Variants in ABCA9 observed in about 807,000 individuals in gnomAD.
ABCA9 encodes ATP binding cassette subfamily A member 9, also known as ATP-binding cassette sub-family A member 9.
In ABCA9, 183 loss-of-function variants were observed where a neutral mutation model predicts 205.3. The observed-to-expected ratio is 0.89, with a 90% CI of 0.79 to 1.01. ABCA9 has a LOEUF of 1.01. ABCA9 is among the 50% of genes least tolerant of loss of function. ABCA9 has a pLI of 0.00. For missense variants in ABCA9, 1,805 were observed against 1,912.4 expected, an observed-to-expected ratio of 0.94 and a Z score of 1.05; for synonymous variants, 651 against 683.3, an observed-to-expected ratio of 0.95 and a Z score of 0.74.
At chr17:69,031,003 C>T (rs1356581773) in intron 10 of ABCA9, among the ~76,000 whole-genome samples, 4 of 152,300 alleles carry the variant, frequency 2.6e-5, no homozygotes, top group Non-Finnish European at 4.4e-5. Context: ...AGTAATGACG[C>T]AGGACTGGCA....
the ABCA9 span, among the ~76,000 whole-genome samples, chr17:69,076,556 T>C: frequency 6.6e-5 from 10 of 152,188 alleles, no homozygotes; most frequent in African/African-American, 2.4e-4. Flanking sequence ...GTCCCTCATC[T>C]GTGAATTTTT....
chr17:69,046,337 C>T (rs1459984361), intron 3 of ABCA9, among the ~76,000 whole-genome samples: 2 of 152,172 alleles, frequency 1.3e-5, no homozygotes, highest in Non-Finnish European at 2.9e-5. Flanking sequence ...CTTTTGTCCT[C>T]GGTATTTCCT....
intron 37 of ABCA9, among the ~76,000 whole-genome samples, chr17:68,977,584 T>A (rs992914057): frequency 6.6e-6 from 1 of 152,148 alleles, no homozygotes; most frequent in Non-Finnish European, 1.5e-5. Context: ...AAGGGGCATG[T>A]GAGGCTAGGG....
chr17:69,061,166 C>T (rs944924904), upstream of ABCA9: 4 of 984,888 alleles, frequency 4.1e-6, no homozygotes, highest in African/African-American at 7.0e-5. Flanking sequence ...CATATCAAAA[C>T]ATTAGGAACT....
At chr17:69,059,421 G>A (rs923381321) in intron 1 of ABCA9, among the ~76,000 whole-genome samples, 9 of 152,060 alleles carry the variant, frequency 5.9e-5, no homozygotes, top group Non-Finnish European at 1.0e-4. Flanking sequence ...GAGTGAGGCA[G>A]TAGAAGAAGG....
chr17:69,065,296 T>G (rs1374335002), upstream of ABCA9, among the ~76,000 whole-genome samples: 4 of 152,230 alleles, frequency 2.6e-5, no homozygotes, highest in African/African-American at 9.6e-5. Flanking sequence ...GGAAGTTTAT[T>G]AGATATTGAG....
chr17:68,994,065 G>A (rs1215249079), intron 26 of ABCA9, among the ~76,000 whole-genome samples: 1 of 152,040 alleles, frequency 6.6e-6, no homozygotes, highest in Non-Finnish European at 1.5e-5. Flanking sequence ...TAGTAGAGAT[G>A]GGGTTTCACC....
At chr17:69,074,883 C>T in the ABCA9 span, among the ~76,000 whole-genome samples, 1 of 151,964 alleles carries the variant, frequency 6.6e-6, no homozygotes, top group South Asian at 2.1e-4. Flanking sequence ...GCAGTGTTCC[C>T]TTTTCTCCAC....
chr17:68,987,673 A>G (rs1345477208), intron 31 of ABCA9, among the ~76,000 whole-genome samples: 1 of 152,156 alleles, frequency 6.6e-6, no homozygotes, highest in African/African-American at 2.4e-5. Context: ...CAGCCATGGT[A>G]AAGATTTTGG....
At chr17:69,003,673 A>C (rs1468756943) in intron 25 of ABCA9, among the ~76,000 whole-genome samples, 1 of 150,540 alleles carries the variant, frequency 6.6e-6, no homozygotes, top group Admixed American at 6.6e-5. Context: ...CTGCCTTGCT[A>C]GATTGGGGAA....
intron 1 of ABCA9, among the ~76,000 whole-genome samples, chr17:69,053,954 T>C (rs1296866432): frequency 6.6e-6 from 1 of 152,154 alleles, no homozygotes; most frequent in Non-Finnish European, 1.5e-5. Flanking sequence ...AAACATCTTT[T>C]CTATAGAGGA....
Position 69,024,442 on chromosome 17 carries a change from T to C in ABCA9, c.2142-89A>G, listed in dbSNP as rs906118913. ...TATGTAGTATGTGCTTGTCACTTTA[T>C]TAATATTTATGAGACAAAAAAATGT... On this transcript the variant is annotated intron_variant, in intron 16 of 38. Coordinates refer to ENST00000340001, the MANE Select transcript of ABCA9 (RefSeq NM_080283.4). The C allele has an allele frequency of 2.0e-5, 26 of 1,290,634 alleles. No individual in the cohort carries two copies. In the African/African-American group the frequency reaches 3.7e-4, roughly 18 times the overall value. 79.9% of individuals were successfully genotyped at this position (1,290,634 alleles called of 1,614,324 possible). A position where few individuals can be genotyped will look rare whatever the true frequency, so the allele number is the denominator to read the frequency against.
intron 25 of ABCA9, among the ~76,000 whole-genome samples, chr17:69,003,304 G>A (rs1207488562): frequency 3.3e-5 from 5 of 151,598 alleles, no homozygotes; most frequent in African/African-American, 1.2e-4. Context: ...CTCTTTTAGG[G>A]CAGGCCTGGT....
intron 1 of ABCA9, among the ~76,000 whole-genome samples, chr17:69,052,767 C>G (rs1021094443): frequency 6.6e-6 from 1 of 152,188 alleles, no homozygotes. Flanking sequence ...GACTGCCCCC[C>G]ACTTCAGATG....
At chr17:69,035,835 TG>T in intron 6 of ABCA9, 34 bp from the exon 7 acceptor site, 1 of 1,590,414 alleles carries the variant, frequency 6.3e-7, no homozygotes. Context: ...GTTAGAATGT[TG>T]TTACTTCATC....
intron 6 of ABCA9, among the ~76,000 whole-genome samples, chr17:69,039,834 A>G (rs2071475565): frequency 6.6e-6 from 1 of 152,244 alleles, no homozygotes. Flanking sequence ...TCCAGAATCT[A>G]CAAGGAACTT....
chr17:69,058,876 T>C (rs1054049683), intron 1 of ABCA9, among the ~76,000 whole-genome samples: 2 of 150,648 alleles, frequency 1.3e-5, no homozygotes, highest in African/African-American at 4.9e-5. Context: ...GAGTAATTCA[T>C]AAAGGAAAGA....
upstream of ABCA9, among the ~76,000 whole-genome samples, chr17:69,065,536 C>G (rs981681641): frequency 1.3e-5 from 2 of 152,090 alleles, no homozygotes; most frequent in Admixed American, 1.3e-4. Context: ...CTCCTTCCTC[C>G]AACTCAAGCC....
chr17:69,038,166 G>A (rs1425917121), intron 6 of ABCA9, among the ~76,000 whole-genome samples: 1 of 152,098 alleles, frequency 6.6e-6, no homozygotes, highest in Admixed American at 6.6e-5. Context: ...CATTCATTCT[G>A]AAACTATTCC....
Sources: allele counts gnomAD v4.1 joint callset (sites outside exome capture counted in the v4.1 genomes callset), GRCh38; gene constraint gnomAD v4.1.1; transcripts MANE v1.5; gene names NCBI Gene and HGNC (gene_info 2026-07-23, HGNC 2026-07-21).